GDA: variants seen among roughly 807,000 people sequenced by gnomAD.
GDA encodes the protein guanine deaminase.
Under a neutral mutation model 59.6 loss-of-function variants are expected in GDA, and 18 were observed. That is an observed-to-expected ratio of 0.30 (90% CI 0.21 to 0.45). The LOEUF (loss-of-function observed/expected upper bound fraction) is 0.45, where lower values mean the gene tolerates loss of function less well. GDA is among the 20% of genes least tolerant of loss of function. The pLI, the probability that GDA is intolerant of heterozygous loss-of-function variation, is 1.00. For synonymous variants in GDA, 201 were observed against 201.1 expected (o/e 1.00, Z 0.00); for missense variants, 427 against 552.3 (o/e 0.77, Z 2.27).
chr9:72,228,239 G>A (rs1837855921), intron 9 of GDA, 199 bp downstream of exon 9: 3 of 537,540 alleles, frequency 5.6e-6, no homozygotes, highest in East Asian at 6.4e-5. Flanking sequence ...CAGAGGACAC[G>A]TGAAGAGCAC....
At chr9:72,211,925 A>G (rs993996543) in intron 4 of GDA, among the ~76,000 whole-genome samples, 11 of 152,220 alleles carry the variant, frequency 7.2e-5, no homozygotes, top group African/African-American at 9.6e-5. Flanking sequence ...ATGTGATGAA[A>G]GTGGTATTTT....
At chr9:72,210,263 G>A (rs1835189878) in intron 3 of GDA, among the ~76,000 whole-genome samples, 1 of 152,132 alleles carries the variant, frequency 6.6e-6, no homozygotes, top group Non-Finnish European at 1.5e-5. Context: ...CATGTTTGTT[G>A]TAGTTTGCGA....
chr9:72,125,387 G>T (rs1825811400), intron 1 of GDA, among the ~76,000 whole-genome samples: 1 of 121,422 alleles, frequency 8.2e-6, no homozygotes, highest in African/African-American at 3.1e-5. Flanking sequence ...ACAGGATCTC[G>T]CTCTGTCACT....
chr9:72,230,501 A>T (rs11143183), intron 9 of GDA, among the ~76,000 whole-genome samples: 15,751 of 143,750 alleles, frequency 0.11, 919 homozygotes, highest in Middle Eastern at 0.13. Flanking sequence ...AAAAAAAAAA[A>T]ATATATATAT....
At chr9:72,138,685 C>A (rs1170367908) in intron 1 of GDA, among the ~76,000 whole-genome samples, 2 of 152,202 alleles carry the variant, frequency 1.3e-5, no homozygotes, top group East Asian at 1.9e-4. Flanking sequence ...TTTATCACAG[C>A]CACATGTGTG....
intron 10 of GDA, among the ~76,000 whole-genome samples, chr9:72,233,505 G>A (rs1041583825): frequency 1.3e-5 from 2 of 152,198 alleles, no homozygotes; most frequent in African/African-American, 2.4e-5. Context: ...CTCATACACT[G>A]ATGGAAGGAG....
intron 4 of GDA, among the ~76,000 whole-genome samples, chr9:72,211,034 T>C (rs1374103631): frequency 2.6e-5 from 4 of 152,220 alleles, no homozygotes; most frequent in African/African-American, 9.7e-5. Flanking sequence ...CAATTTTTGG[T>C]TACAGAATGA....
rs1837463661 is a variant in GDA at position 72,225,681 on chromosome 9, A to G, written c.719A>G (p.His240Arg). The G allele has an allele frequency of 2.8e-6, 4 of 1,424,426 alleles. No individual in the cohort carries two copies. The highest frequency in any genetic ancestry group is 2.4e-5 in the South Asian group (2 of 83,678). 88.2% of individuals were successfully genotyped at this position (1,424,426 alleles called of 1,614,324 possible). Residue 240 changes from histidine to arginine, a missense_variant, in exon 8 of 14, where the codon CAT (histidine) becomes CGT (arginine). Transcript: ENST00000358399. ...AATATTATTTTTTTCTTGTAGAGCCATATAAGTGAAAATCGTGATGAAGTT... is the reference window on the plus strand; with the variant it reads ...AATATTATTTTTTTCTTGTAGAGCCGTATAAGTGAAAATCGTGATGAAGTT... ...AKTRDLHIQS[H>R]ISENRDEVEA...
intron 1 of GDA, among the ~76,000 whole-genome samples, chr9:72,162,136 C>A (rs1310407049): frequency 6.6e-6 from 1 of 152,170 alleles, no homozygotes. Context: ...CTTGTGCCTC[C>A]TCACCTTCCT....
At chr9:72,224,886 G>A (rs920718151) in intron 7 of GDA, among the ~76,000 whole-genome samples, 5 of 148,912 alleles carry the variant, frequency 3.4e-5, no homozygotes, top group Non-Finnish European at 1.5e-5. Context: ...ACACATAGCT[G>A]TCAGAACTTG....
intron 1 of GDA, among the ~76,000 whole-genome samples, chr9:72,189,166 CTTTTTTT>C (rs71493640): frequency 2.2e-4 from 12 of 54,938 alleles, no homozygotes; most frequent in African/African-American, 5.7e-4. Flanking sequence ...AGACTCTAGA[CTTTTTTT>C]TTTTTTTTTT....
At chr9:72,143,270 C>T (rs750943158) in intron 1 of GDA, among the ~76,000 whole-genome samples, 2 of 151,424 alleles carry the variant, frequency 1.3e-5, no homozygotes, top group African/African-American at 2.4e-5. Context: ...GCTGGGATTA[C>T]AGGCATGCAC....
In GDA at chr9:72,250,526, C is replaced by T; in HGVS notation, c.*2184C>T. ...TATATGTACTTTGATCTCTCCACAT[C>T]ACTTATAACTTATGTGTTTTATTTC... On this transcript the variant is annotated 3_prime_UTR_variant, in exon 14 of 14. Coordinates refer to ENST00000358399, the MANE Select transcript of GDA (RefSeq NM_004293.5). 1 of 1,409,050 alleles carries T rather than the reference C, an allele frequency of 7.1e-7. No homozygotes were observed. Among genetic ancestry groups the T allele is most frequent in the Non-Finnish European group, 9.2e-7 (1 of 1,082,366 alleles). The allele number at this position is 1,409,050 out of a possible 1,614,324, so 87.3% of individuals were successfully genotyped here. A position where few individuals can be genotyped will look rare whatever the true frequency, so the allele number is the denominator to read the frequency against.
chr9:72,213,103 A>T (rs569891607), intron 4 of GDA, among the ~76,000 whole-genome samples: 1 of 152,116 alleles, frequency 6.6e-6, no homozygotes, highest in South Asian at 2.1e-4. Flanking sequence ...CACTGTCTCT[A>T]CTAAAAATAC....
chr9:72,130,626 T>C (rs1268579126), intron 1 of GDA, among the ~76,000 whole-genome samples: 1 of 152,210 alleles, frequency 6.6e-6, no homozygotes, highest in Non-Finnish European at 1.5e-5. Flanking sequence ...GAAATAGACA[T>C]ATGTGAGCAG....
chr9:72,182,002 A>G (rs1358256973), intron 1 of GDA, among the ~76,000 whole-genome samples: 1 of 152,140 alleles, frequency 6.6e-6, no homozygotes, highest in South Asian at 2.1e-4. Context: ...CTCTCTCTAC[A>G]TATATAGGTA....
intron 2 of GDA, among the ~76,000 whole-genome samples, chr9:72,197,197 C>T (rs1283091880): frequency 6.6e-6 from 1 of 152,150 alleles, no homozygotes; most frequent in African/African-American, 2.4e-5. Flanking sequence ...GACTATGAAG[C>T]TCATCCCTGG....
chr9:72,129,445 T>C (rs1825953222), intron 1 of GDA, among the ~76,000 whole-genome samples: 1 of 152,186 alleles, frequency 6.6e-6, no homozygotes, highest in Non-Finnish European at 1.5e-5. Flanking sequence ...TCCAGACCCG[T>C]GGACATCCTC....
At chr9:72,205,630 A>C (rs1282092164) in intron 3 of GDA, among the ~76,000 whole-genome samples, 1 of 152,156 alleles carries the variant, frequency 6.6e-6, no homozygotes, top group East Asian at 1.9e-4. Flanking sequence ...TGCCTTATTC[A>C]AACTTGTTCT....
Sources: allele counts gnomAD v4.1 joint callset (sites outside exome capture counted in the v4.1 genomes callset), GRCh38; gene constraint gnomAD v4.1.1; transcripts MANE v1.5; gene names NCBI Gene and HGNC (gene_info 2026-07-23, HGNC 2026-07-21).